The following SMAP1 variants were observed in gnomAD, a reference collection of about 807,000 sequenced individuals.
SMAP1 encodes small ArfGAP 1, also known as stromal membrane-associated protein 1.
Under a neutral mutation model 58.5 loss-of-function variants are expected in SMAP1, and 24 were observed. The observed-to-expected ratio is 0.41, with a 90% CI of 0.30 to 0.58. The LOEUF (loss-of-function observed/expected upper bound fraction) is 0.58, where lower values mean the gene tolerates loss of function less well. Among genes scored for constraint, SMAP1 ranks in the 20% least tolerant of loss-of-function variants. The probability of loss-of-function intolerance (pLI) is 0.29; values close to 1 mark genes in which losing one functional copy is unlikely to be tolerated. For synonymous variants in SMAP1, 216 were observed against 196.6 expected, an observed-to-expected ratio of 1.10 and a Z score of -0.82; for missense variants, 563 against 566.3, an observed-to-expected ratio of 0.99 and a Z score of 0.06.
chr6:70,831,336 A>G (rs1416743100), intron 6 of SMAP1, among the ~76,000 whole-genome samples: 1 of 152,090 alleles, frequency 6.6e-6, no homozygotes, highest in Non-Finnish European at 1.5e-5. Context: ...ATTGCATGTC[A>G]CAGGGGTTTG....
At chr6:70,825,729 T>C (rs1047572419) in intron 6 of SMAP1, among the ~76,000 whole-genome samples, 2 of 152,170 alleles carry the variant, frequency 1.3e-5, no homozygotes. Flanking sequence ...GTATTTCAAA[T>C]TGGATACTTG....
Position 70,713,860 on chromosome 6 carries a change from G to A in SMAP1, c.119-18518G>A, listed in dbSNP as rs552301818. Among the ~76,000 whole-genome samples the A allele has an allele frequency of 9.9e-5, 15 of 152,154 alleles. No individual in the cohort carries two copies. In the South Asian group the frequency reaches 2.9e-3, roughly 29 times the overall value. ...GGTACTGAAGTCACCTACTATTACT[G>A]TATTGCTATCAGTTTCTTCTTTCAG... On this transcript the variant is annotated intron_variant, in intron 1 of 10. Coordinates refer to ENST00000370455, the MANE Select transcript of SMAP1 (RefSeq NM_001044305.3).
At chr6:70,854,259 T>C (rs1771306173) in intron 8 of SMAP1, among the ~76,000 whole-genome samples, 1 of 152,224 alleles carries the variant, frequency 6.6e-6, no homozygotes, top group African/African-American at 2.4e-5. Context: ...GTACAAGTTA[T>C]GTTGAGCCCT....
intron 6 of SMAP1, among the ~76,000 whole-genome samples, chr6:70,818,935 T>C (rs546556590): frequency 6.6e-6 from 1 of 152,306 alleles, no homozygotes; most frequent in African/African-American, 2.4e-5. Flanking sequence ...GCTTCTCTTA[T>C]ATCAGCAGTT....
intron 6 of SMAP1, among the ~76,000 whole-genome samples, chr6:70,822,974 C>G (rs1477652938): frequency 6.6e-6 from 1 of 151,902 alleles, no homozygotes; most frequent in Non-Finnish European, 1.5e-5. Context: ...CTCTTTATTT[C>G]TTTTTTAATC....
chr6:70,687,349 G>A (rs896506541), intron 1 of SMAP1, among the ~76,000 whole-genome samples: 4 of 152,062 alleles, frequency 2.6e-5, no homozygotes, highest in African/African-American at 7.2e-5. Context: ...AATTAACCAA[G>A]GGAAATATAT....
chr6:70,771,170 C>T (rs1414290095), intron 3 of SMAP1, among the ~76,000 whole-genome samples: 1 of 152,196 alleles, frequency 6.6e-6, no homozygotes, highest in Non-Finnish European at 1.5e-5. Flanking sequence ...CTGGGGGGTG[C>T]CTCCCAGTTA....
intron 4 of SMAP1, among the ~76,000 whole-genome samples, chr6:70,784,366 C>T (rs1201066310): frequency 6.6e-6 from 1 of 152,120 alleles, no homozygotes; most frequent in Non-Finnish European, 1.5e-5. Context: ...TTGTAAAGAC[C>T]TTCAAGGCTA....
chr6:70,830,537 A>G (rs899839173), intron 6 of SMAP1, among the ~76,000 whole-genome samples: 1 of 152,218 alleles, frequency 6.6e-6, no homozygotes, highest in Non-Finnish European at 1.5e-5. Context: ...TTGGTATGCT[A>G]CAGAGCAAAA....
chr6:70,789,521 A>G (rs1215247528), intron 4 of SMAP1, among the ~76,000 whole-genome samples: 1 of 150,274 alleles, frequency 6.7e-6, no homozygotes, highest in Middle Eastern at 3.5e-3. Flanking sequence ...GACTTTTCAA[A>G]TGTCTTTCTT....
intron 1 of SMAP1, among the ~76,000 whole-genome samples, chr6:70,701,218 C>T (rs1767614614): frequency 6.6e-6 from 1 of 152,082 alleles, no homozygotes; most frequent in Non-Finnish European, 1.5e-5. Flanking sequence ...GTAGCTGGGA[C>T]TATAGGCACA....
intron 2 of SMAP1, among the ~76,000 whole-genome samples, chr6:70,740,453 G>C (rs1765767522): frequency 7.0e-6 from 1 of 142,928 alleles, no homozygotes; most frequent in Admixed American, 7.1e-5. Flanking sequence ...AGCTACTTGG[G>C]AGACTCCATC....
Position 70,860,383 on chromosome 6 carries a change from T to C in SMAP1, c.*49T>C, listed in dbSNP as rs776875226. The C allele has an allele frequency of 1.9e-6, 3 of 1,568,232 alleles. No homozygotes were observed. In the South Asian group the frequency reaches 3.6e-5, roughly 19 times the overall value. ...AGAACTACCACCTGACATTCCTTGC[T>C]GAAACGCATCTAGTTCCCCTGTTTA... On this transcript the variant is annotated 3_prime_UTR_variant, in exon 11 of 11. Transcript: ENST00000370455.
At chr6:70,686,357 A>G (rs916231717) in intron 1 of SMAP1, among the ~76,000 whole-genome samples, 2 of 152,152 alleles carry the variant, frequency 1.3e-5, no homozygotes, top group African/African-American at 4.8e-5. Context: ...TGGGATTCTG[A>G]CAACTTATGT....
At chr6:70,786,695 C>G (rs1032930145) in intron 4 of SMAP1, among the ~76,000 whole-genome samples, 4 of 152,064 alleles carry the variant, frequency 2.6e-5, no homozygotes, top group Non-Finnish European at 1.5e-5. Context: ...GAGTGAACTC[C>G]CCTTCACAAT....
chr6:70,753,765 G>GT (rs1766375542), intron 2 of SMAP1, among the ~76,000 whole-genome samples: 1 of 151,882 alleles, frequency 6.6e-6, no homozygotes, highest in African/African-American at 2.4e-5. Context: ...GAGCTTAATG[G>GT]TAAAGCCCGC....
chr6:70,668,154 T>C lies in SMAP1; in HGVS notation c.118+13T>C. 1.3e-6 allele frequency: 2 copies of C among 1,591,418 alleles called. No homozygotes were observed. Among genetic ancestry groups the C allele is most frequent in the Non-Finnish European group, 1.7e-6 (2 of 1,169,572 alleles). On this transcript the variant is annotated intron_variant, in intron 1 of 10. Coordinates refer to ENST00000370455, the MANE Select transcript of SMAP1 (RefSeq NM_001044305.3). ...TGCGAGGCCAAAGGTAGCTTGGACGTCGTCGCTGCCCACGGTCGGGGCCTC... is the reference window on the plus strand; with the variant it reads ...TGCGAGGCCAAAGGTAGCTTGGACGCCGTCGCTGCCCACGGTCGGGGCCTC...
At chr6:70,735,872 TA>T (rs1198197849) in intron 2 of SMAP1, among the ~76,000 whole-genome samples, 1 of 152,244 alleles carries the variant, frequency 6.6e-6, no homozygotes, top group Non-Finnish European at 1.5e-5. Context: ...CAACATTTCA[TA>T]ATTGTGTTTC....
intron 1 of SMAP1, among the ~76,000 whole-genome samples, chr6:70,705,064 CAT>C (rs1197024211): frequency 1.3e-5 from 2 of 152,084 alleles, no homozygotes; most frequent in Admixed American, 6.6e-5. Context: ...AAGTTCTTGG[CAT>C]ATAGTAAGCA....
Sources: gnomAD v4.1 joint callset for allele counts (sites outside exome capture counted in the v4.1 genomes callset) on GRCh38, gnomAD v4.1.1 for gene constraint, MANE v1.5 for transcripts, NCBI Gene and HGNC (gene_info 2026-07-23, HGNC 2026-07-21) for gene names.